The following C1orf185 variants were observed in gnomAD, a reference collection of about 807,000 sequenced individuals.
C1orf185 encodes uncharacterized protein C1orf185.
C1orf185 carries 13 observed loss-of-function variants against 16.1 expected under a neutral mutation model. The ratio of observed to expected loss-of-function variants is 0.81; its 90% confidence interval spans 0.53 to 1.28. The LOEUF is 1.28. Among genes scored for constraint, C1orf185 ranks in the 50% most tolerant of loss-of-function variants. The pLI is 0.00. For missense variants in C1orf185, 220 were observed against 225.2 expected (o/e 0.98, Z 0.15); for synonymous variants, 80 against 76.9 (o/e 1.04, Z -0.21).
chr1:51,104,198 C>A (rs1646053462), intron 1 of C1orf185, among the ~76,000 whole-genome samples: 1 of 152,092 alleles, frequency 6.6e-6, no homozygotes, highest in Non-Finnish European at 1.5e-5. Context: ...TTGGACTAAA[C>A]CACTTATATA....
chr1:51,107,063 T>A (rs1291934676), intron 1 of C1orf185, among the ~76,000 whole-genome samples: 1 of 152,162 alleles, frequency 6.6e-6, no homozygotes, highest in Non-Finnish European at 1.5e-5. Context: ...GGCCCAGATC[T>A]GTAATTTTTT....
chr1:51,102,395 A>G (rs1646038301), intron 1 of C1orf185, 146 bp downstream of exon 1: 7 of 466,632 alleles, frequency 1.5e-5, no homozygotes, highest in Non-Finnish European at 2.3e-5. Context: ...ATACAGTAGA[A>G]ATTGTAAAGT....
intron 3 of C1orf185, among the ~76,000 whole-genome samples, chr1:51,131,138 G>A (rs1028569656): frequency 4.0e-4 from 61 of 152,152 alleles, no homozygotes; most frequent in Non-Finnish European, 3.2e-4. Flanking sequence ...CCTGACCTCA[G>A]GTGATCTGCC....
At chr1:51,130,566 A>G (rs1269317779) in intron 3 of C1orf185, among the ~76,000 whole-genome samples, 1 of 152,190 alleles carries the variant, frequency 6.6e-6, no homozygotes, top group Admixed American at 6.5e-5. Context: ...ATGTGTTTTC[A>G]TATATGATAT....
chr1:51,110,716 C>G (rs991651879), intron 1 of C1orf185, among the ~76,000 whole-genome samples: 1 of 152,150 alleles, frequency 6.6e-6, no homozygotes, highest in Non-Finnish European at 1.5e-5. Flanking sequence ...TGCCTGTAAT[C>G]CCAGCACTGC....
chr1:51,106,093 C>A (rs1646068769), intron 1 of C1orf185, among the ~76,000 whole-genome samples: 2 of 151,962 alleles, frequency 1.3e-5, no homozygotes, highest in Admixed American at 1.3e-4. Flanking sequence ...GGTAGGAGGG[C>A]AGAGATTCTC....
intron 1 of C1orf185, among the ~76,000 whole-genome samples, chr1:51,104,580 C>T (rs2148006826): frequency 6.6e-6 from 1 of 152,188 alleles, no homozygotes; most frequent in African/African-American, 2.4e-5. Flanking sequence ...TTATTAATCA[C>T]TGTGGAAATA....
At chr1:51,104,877 C>T (rs562373627) in intron 1 of C1orf185, among the ~76,000 whole-genome samples, 1 of 152,224 alleles carries the variant, frequency 6.6e-6, no homozygotes, top group South Asian at 2.1e-4. Flanking sequence ...TCATAGCACT[C>T]AGGACATTTT....
At chr1:51,104,739 A>T (rs1042592131) in intron 1 of C1orf185, among the ~76,000 whole-genome samples, 3 of 152,190 alleles carry the variant, frequency 2.0e-5, no homozygotes, top group Admixed American at 6.5e-5. Context: ...TTTAAGACTT[A>T]ATCCCTTTAA....
chr1:51,125,166 T>C (rs1276189718), intron 3 of C1orf185, among the ~76,000 whole-genome samples: 1 of 152,206 alleles, frequency 6.6e-6, no homozygotes. Flanking sequence ...CTAGAAAGTA[T>C]AAACTTTACT....
At chr1:51,108,506 C>T (rs1209015206) in intron 1 of C1orf185, among the ~76,000 whole-genome samples, 1 of 152,108 alleles carries the variant, frequency 6.6e-6, no homozygotes, top group Non-Finnish European at 1.5e-5. Context: ...CCCTGCTCTG[C>T]CATCAAACAT....
intron 3 of C1orf185, among the ~76,000 whole-genome samples, chr1:51,145,448 A>G (rs189401230): frequency 8.0e-4 from 122 of 152,240 alleles, no homozygotes; most frequent in Non-Finnish European, 1.3e-3. Context: ...AGTTCTGACC[A>G]AGTTGCTGAG....
At chr1:51,118,410 T>C (rs2026814) in intron 2 of C1orf185, among the ~76,000 whole-genome samples, 151,091 of 152,290 alleles carry the variant, frequency 0.99, 74,962 homozygotes, top group East Asian at 1. Flanking sequence ...AAATATTAGC[T>C]CTGCATACAT....
At position 51,129,300 on chromosome 1, in the gene C1orf185, C is replaced by T. The variant is rs1255705562; in HGVS notation, c.258+10499C>T. Among the ~76,000 whole-genome samples the T allele has an allele frequency of 3.3e-5, 5 of 152,276 alleles. No individual in the cohort carries two copies. In the East Asian group the frequency reaches 9.6e-4, roughly 29 times the overall value. On this transcript the variant is annotated intron_variant, in intron 3 of 4. Coordinates refer to ENST00000371759, the MANE Select transcript of C1orf185 (RefSeq NM_001136508.2). ...GGATTATGAGTGTGAGCCGCTGCAC[C>T]CAGCCCATGCTACCCTTTATAATCA...
intron 3 of C1orf185, among the ~76,000 whole-genome samples, chr1:51,135,049 A>G (rs1311080795): frequency 6.6e-6 from 1 of 152,234 alleles, no homozygotes; most frequent in Non-Finnish European, 1.5e-5. Context: ...CAAAACAAAA[A>G]GAAAACTTCA....
intron 3 of C1orf185, among the ~76,000 whole-genome samples, chr1:51,124,637 G>C (rs1264883022): frequency 6.6e-6 from 1 of 152,196 alleles, no homozygotes; most frequent in African/African-American, 2.4e-5. Flanking sequence ...AAATTAAGGA[G>C]TGGATCAATG....
intron 3 of C1orf185, among the ~76,000 whole-genome samples, chr1:51,135,964 G>T (rs1374020628): frequency 6.6e-6 from 1 of 152,128 alleles, no homozygotes; most frequent in Non-Finnish European, 1.5e-5. Context: ...CAAAGTCTCA[G>T]GATACAAACT....
Position 51,118,789 on chromosome 1 carries a change from A to T in C1orf185, c.246A>T (p.Arg82Ser). 1 of 1,455,066 alleles carries T rather than the reference A, an allele frequency of 6.9e-7. No homozygotes were observed. The highest frequency in any genetic ancestry group is 9.2e-7 in the Non-Finnish European group (1 of 1,092,734). 90.1% of individuals were successfully genotyped at this position (1,455,066 alleles called of 1,614,324 possible). A position where few individuals can be genotyped will look rare whatever the true frequency, so the allele number is the denominator to read the frequency against. ...TTTCTCGAAATTTTCATACTGGGAG[A>T]TTCCAATTACAGGTAGGGTGTAATA... ...VFISRNFHTG[R>S]FQLQEEQRKK... Residue 82 changes from arginine to serine, a missense_variant, in exon 3 of 5, where the codon AGA (arginine) becomes AGT (serine). Physicochemically the swap from Arg to Ser is moderately radical, Grantham distance 110. Coordinates refer to ENST00000371759, the MANE Select transcript of C1orf185 (RefSeq NM_001136508.2).
intron 1 of C1orf185, among the ~76,000 whole-genome samples, chr1:51,102,856 G>C (rs958376229): frequency 6.6e-6 from 1 of 151,802 alleles, no homozygotes; most frequent in Non-Finnish European, 1.5e-5. Flanking sequence ...TGCATTTAGG[G>C]CCATATATTT....
Sources: allele counts gnomAD v4.1 joint callset (sites outside exome capture counted in the v4.1 genomes callset), GRCh38; gene constraint gnomAD v4.1.1; transcripts MANE v1.5; gene names NCBI Gene and HGNC (gene_info 2026-07-23, HGNC 2026-07-21).